The following SIGLEC15 variants were observed in gnomAD, a reference collection of about 807,000 sequenced individuals.
SIGLEC15 encodes sialic acid binding Ig like lectin 15, also known as sialic acid-binding Ig-like lectin 15.
Under a neutral mutation model 26.2 loss-of-function variants are expected in SIGLEC15, and 31 were observed. That is an observed-to-expected ratio of 1.18 (90% CI 0.89 to 1.60). The LOEUF is 1.60. Ranked by LOEUF, SIGLEC15 falls within the 40% of genes most tolerant of loss-of-function variation. The pLI is 0.00. For missense variants in SIGLEC15, 501 were observed against 488.4 expected, an observed-to-expected ratio of 1.03 and a Z score of -0.24; for synonymous variants, 207 against 221.9, an observed-to-expected ratio of 0.93 and a Z score of 0.60.
Position 45,838,713 on chromosome 18 carries a change from T to C in SIGLEC15, c.497-5T>C. On this transcript the variant is annotated splice_polypyrimidine_tract_variant and splice_region_variant and intron_variant, in intron 3 of 5. Transcript: ENST00000389474. ...TGTGACAGTCACCCGCCTTCTCCCC[T>C]GCAGCCGCGCCGCGGATCGTCAACA... The C allele has an allele frequency of 6.4e-7, 1 of 1,568,888 alleles. No homozygotes were observed. Among genetic ancestry groups the C allele is most frequent in the Non-Finnish European group, 8.6e-7 (1 of 1,167,030 alleles).
Position 45,838,725 on chromosome 18 carries a change from G to C in SIGLEC15, c.504G>C (p.Pro168=), listed in dbSNP as rs146746986. Residue 168 remains proline (P), a synonymous_variant, in exon 4 of 6, where the codon CCG becomes CCC. Coordinates refer to ENST00000389474, the MANE Select transcript of SIGLEC15 (RefSeq NM_213602.3). The part of the protein sequence containing the change: ...HGVRLHVTAA[P]RIVNISVLPS... ...CCGCCTTCTCCCCTGCAGCCGCGCCGCGGATCGTCAACATCTCGGTGCTGC... is the reference window on the plus strand; with the variant it reads ...CCGCCTTCTCCCCTGCAGCCGCGCCCCGGATCGTCAACATCTCGGTGCTGC... The C allele has an allele frequency of 1.3e-6, 2 of 1,576,026 alleles. No homozygotes were observed. The highest frequency in any genetic ancestry group is 2.7e-5 in the African/African-American group (2 of 72,814).
At chr18:45,836,932 G>T (rs2048280310) in intron 1 of SIGLEC15, 97 bp from the exon 2 acceptor site, 2 of 747,860 alleles carry the variant, frequency 2.7e-6, no homozygotes, top group Non-Finnish European at 4.9e-6. Context: ...CTGAACGCTG[G>T]CTTGGCCTCA....
chr18:45,831,820 C>T (rs1009511692), intron 1 of SIGLEC15, among the ~76,000 whole-genome samples: 42 of 151,844 alleles, frequency 2.8e-4, no homozygotes, highest in African/African-American at 9.9e-4. Flanking sequence ...TCACTGCAGC[C>T]TCCGCCTCCC....
Position 45,829,265 on chromosome 18 carries a change from A to C in SIGLEC15, c.52+3485A>C, listed in dbSNP as rs1298724514. 4 of 588,126 alleles carry C rather than the reference A, an allele frequency of 6.8e-6. No individual in the cohort carries two copies. In the East Asian group the frequency reaches 5.7e-4, roughly 84 times the overall value. The allele number at this position is 588,126 out of a possible 1,614,324, so 36.4% of individuals were successfully genotyped here. ...GGGAAGCCAGATAACCCTGAAGCAG[A>C]TAGAGACCAGCTGGCCTTTCACTCA... On this transcript the variant is annotated intron_variant, in intron 1 of 5. Transcript: ENST00000389474.
chr18:45,832,730 C>G (rs1232252644), intron 1 of SIGLEC15, among the ~76,000 whole-genome samples: 3 of 152,158 alleles, frequency 2.0e-5, no homozygotes, highest in African/African-American at 7.2e-5. Flanking sequence ...TTCAGGAATC[C>G]TCCCTCCCCT....
At position 45,838,955 on chromosome 18, in the gene SIGLEC15, G is replaced by A. The variant is rs1220748675; in HGVS notation, c.734G>A (p.Arg245His). ...TGTACGGCCGCCAACAGCCTGGGCC[G>A]CTCCGAGGCCAGCGTCTACCTGTTC... The part of the protein sequence containing the change: ...YTCTAANSLG[R>H]SEASVYLFRF... Residue 245 changes from arginine (R) to histidine (H), a missense_variant, in exon 4 of 6, where the codon CGC (arginine) becomes CAC (histidine). Transcript: ENST00000389474. 6.2e-7 allele frequency: 1 copy of A among 1,604,500 alleles called. No homozygotes were observed. The highest frequency in any genetic ancestry group is 2.2e-5 in the East Asian group (1 of 44,566).
chr18:45,830,119 C>T (rs1231300310), intron 1 of SIGLEC15, among the ~76,000 whole-genome samples: 3 of 128,538 alleles, frequency 2.3e-5, no homozygotes, highest in Non-Finnish European at 3.4e-5. Context: ...AGCGTGACTA[C>T]GCCCACAGAA....
At chr18:45,832,208 G>A (rs1434693901) in intron 1 of SIGLEC15, among the ~76,000 whole-genome samples, 1 of 152,180 alleles carries the variant, frequency 6.6e-6, no homozygotes, top group African/African-American at 2.4e-5. Flanking sequence ...AATCCTATGT[G>A]GAAGGTACTA....
At chr18:45,840,116 C>A in intron 4 of SIGLEC15, 95 bp from the exon 5 acceptor site, 2 of 1,422,318 alleles carry the variant, frequency 1.4e-6, no homozygotes, top group Non-Finnish European at 2.0e-6. Flanking sequence ...GTGGTTTCCT[C>A]GAGACCCCTT....
At chr18:45,837,377 G>T in intron 2 of SIGLEC15, 136 bp from the exon 3 acceptor site, 1 of 1,299,884 alleles carries the variant, frequency 7.7e-7, no homozygotes, top group Middle Eastern at 2.8e-4. Flanking sequence ...CTGGAAGTGG[G>T]GGACGATCCC....
At chr18:45,828,445 A>T (rs1402056053) in intron 1 of SIGLEC15, among the ~76,000 whole-genome samples, 1 of 151,988 alleles carries the variant, frequency 6.6e-6, no homozygotes, top group African/African-American at 2.4e-5. Flanking sequence ...ATGCCAGGGA[A>T]CGTGGGGCAG....
At chr18:45,841,304 G>T (rs1234049185) in intron 5 of SIGLEC15, among the ~76,000 whole-genome samples, 1 of 152,116 alleles carries the variant, frequency 6.6e-6, no homozygotes, top group African/African-American at 2.4e-5. Context: ...GAGTGTGGAC[G>T]TAAGACAGGG....
At chr18:45,827,880 A>T (rs2048198738) in intron 1 of SIGLEC15, among the ~76,000 whole-genome samples, 1 of 152,198 alleles carries the variant, frequency 6.6e-6, no homozygotes, top group Admixed American at 6.5e-5. Context: ...TGGGCTGTGG[A>T]GTCACATGTT....
chr18:45,837,454 C>T lies in SIGLEC15; in HGVS notation c.113-59C>T, dbSNP rs546101483. 4.2e-5 allele frequency: 60 copies of T among 1,418,906 alleles called. No individual in the cohort carries two copies. In the Middle Eastern group the frequency reaches 1.8e-3, roughly 43 times the overall value. The allele number at this position is 1,418,906 out of a possible 1,614,324, so 87.9% of individuals were successfully genotyped here. On this transcript the variant is annotated intron_variant, in intron 2 of 5. Coordinates refer to ENST00000389474, the MANE Select transcript of SIGLEC15 (RefSeq NM_213602.3). ...CCTGGGTCGTGGGGTTTCCAGGCCCCGGGTGCGGGCGCCTCGACCCCAGGG... is the reference window on the plus strand; with the variant it reads ...CCTGGGTCGTGGGGTTTCCAGGCCCTGGGTGCGGGCGCCTCGACCCCAGGG...
intron 1 of SIGLEC15, among the ~76,000 whole-genome samples, chr18:45,830,752 ATTTTTTTTT>A (rs34498635): frequency 3.4e-5 from 4 of 118,140 alleles, no homozygotes; most frequent in Admixed American, 1.8e-4. Flanking sequence ...TGCCAGGCTA[ATTTTTTTTT>A]TTTTTTTTTT....
intron 1 of SIGLEC15, among the ~76,000 whole-genome samples, chr18:45,830,515 C>T (rs1416785235): frequency 6.6e-6 from 1 of 151,472 alleles, no homozygotes; most frequent in Admixed American, 6.6e-5. Flanking sequence ...GGCATGGATG[C>T]TACTTTCAGG....
At chr18:45,839,381 C>T (rs1211803837) in intron 4 of SIGLEC15, among the ~76,000 whole-genome samples, 1 of 152,210 alleles carries the variant, frequency 6.6e-6, no homozygotes, top group Non-Finnish European at 1.5e-5. Context: ...AGAGCCGTCC[C>T]TTTGCTACCA....
chr18:45,837,978 G>A (rs1365201069), intron 3 of SIGLEC15, 82 bp downstream of exon 3: 3 of 1,389,800 alleles, frequency 2.2e-6, no homozygotes, highest in East Asian at 3.0e-5. Context: ...TGGGTGCCAG[G>A]CGCTGTGCTG....
chr18:45,825,753 G>C lies in SIGLEC15; in HGVS notation c.25G>C (p.Ala9Pro). ...CATGGAAAAGTCCATCTGGCTGCTG[G>C]CCTGCTTGGCGTGGGTTCTCCCGAC... MEKSIWLL[A>P]CLAWVLPTGS... Residue 9 changes from alanine to proline, a missense_variant, in exon 1 of 6, where the codon GCC (alanine) becomes CCC (proline). By Grantham distance (27) the Ala-to-Pro change is conservative (BLOSUM62 -1). Coordinates refer to ENST00000389474, the MANE Select transcript of SIGLEC15 (RefSeq NM_213602.3). 6.2e-7 allele frequency: 1 copy of C among 1,614,248 alleles called. No homozygotes were observed. Among genetic ancestry groups the C allele is most frequent in the Non-Finnish European group, 8.5e-7 (1 of 1,180,036 alleles).
Sources: gnomAD v4.1 joint callset for allele counts (sites outside exome capture counted in the v4.1 genomes callset) on GRCh38, gnomAD v4.1.1 for gene constraint, MANE v1.5 for transcripts, NCBI Gene and HGNC (gene_info 2026-07-23, HGNC 2026-07-21) for gene names.